The following CRIM1 variants were observed in gnomAD, a reference collection of about 807,000 sequenced individuals.
The protein encoded by CRIM1 is cysteine-rich motor neuron 1 protein.
A neutral mutation model predicts 116.4 loss-of-function variants in CRIM1; 32 were observed. The ratio of observed to expected loss-of-function variants is 0.27; its 90% CI spans 0.21 to 0.37. CRIM1 has a LOEUF of 0.37. CRIM1 is among the 10% of genes least tolerant of loss of function. The pLI is 1.00. For synonymous variants in CRIM1, 590 were observed against 509.2 expected, an observed-to-expected ratio of 1.16 and a Z score of -2.13; for missense variants, 1,331 against 1,354.8, an observed-to-expected ratio of 0.98 and a Z score of 0.28.
intron 2 of CRIM1, among the ~76,000 whole-genome samples, chr2:36,410,573 C>G (rs757901557): frequency 9.9e-5 from 15 of 151,524 alleles, no homozygotes; most frequent in Middle Eastern, 3.4e-3. Context: ...AAATGTGTGC[C>G]CATGTTCTGT....
intron 2 of CRIM1, among the ~76,000 whole-genome samples, chr2:36,432,075 A>T (rs1466958086): frequency 6.6e-6 from 1 of 152,180 alleles, no homozygotes; most frequent in Non-Finnish European, 1.5e-5. Flanking sequence ...GAGTCTTCTT[A>T]AAATGTTGCT....
chr2:36,477,786 A>AT (rs1310223165), intron 6 of CRIM1, among the ~76,000 whole-genome samples: 1 of 152,246 alleles, frequency 6.6e-6, no homozygotes, highest in Non-Finnish European at 1.5e-5. Flanking sequence ...GTTGCTCTGA[A>AT]TATCACTCCC....
At chr2:36,540,190 G>A (rs1006602052) in intron 14 of CRIM1, among the ~76,000 whole-genome samples, 3 of 152,174 alleles carry the variant, frequency 2.0e-5, no homozygotes, top group African/African-American at 4.8e-5. Flanking sequence ...CGTAAGATGC[G>A]ATGTGGGAAC....
chr2:36,364,425 A>T (rs560394454), intron 1 of CRIM1, among the ~76,000 whole-genome samples: 11 of 152,350 alleles, frequency 7.2e-5, no homozygotes. Context: ...TAAACTGGAA[A>T]AGCAGACAAT....
intron 13 of CRIM1, among the ~76,000 whole-genome samples, chr2:36,532,918 C>G (rs552229331): frequency 8.9e-4 from 136 of 152,270 alleles, no homozygotes; most frequent in African/African-American, 3.2e-3. Context: ...TATTAGGTAT[C>G]AAAGAACAAA....
rs201644194 is a variant in CRIM1 at position 36,524,435 on chromosome 2, C to CT, written c.2428+2132dup. ...ATATCCCCATAGTTATATATCAAAA[C>CT]TTTTTTTTTTAACTTTTTAAGTTCA... On this transcript the variant is annotated intron_variant, in intron 13 of 16. Coordinates refer to ENST00000280527, the MANE Select transcript of CRIM1 (RefSeq NM_016441.3). Among the ~76,000 whole-genome samples the CT allele has an allele frequency of 2.0e-3, 304 of 149,784 alleles. 6 individuals carry two copies. In the East Asian group the frequency reaches 0.032, roughly 16 times the overall value.
chr2:36,508,749 G>A (rs1018290049), intron 8 of CRIM1, among the ~76,000 whole-genome samples: 2 of 151,606 alleles, frequency 1.3e-5, no homozygotes, highest in African/African-American at 4.9e-5. Flanking sequence ...CTTTTCTCTC[G>A]TAAGCCCTAT....
At chr2:36,486,868 A>G (rs1486133298) in intron 7 of CRIM1, among the ~76,000 whole-genome samples, 1 of 152,190 alleles carries the variant, frequency 6.6e-6, no homozygotes, top group Non-Finnish European at 1.5e-5. Flanking sequence ...TTAAATAAAC[A>G]CAATCTCTTT....
chr2:36,427,004 C>G (rs888818955), intron 2 of CRIM1, among the ~76,000 whole-genome samples: 2 of 152,040 alleles, frequency 1.3e-5, no homozygotes, highest in Non-Finnish European at 2.9e-5. Context: ...AATTCAAGAC[C>G]AGCCTGACTA....
At chr2:36,397,547 G>A (rs1672116305) in intron 2 of CRIM1, among the ~76,000 whole-genome samples, 1 of 151,844 alleles carries the variant, frequency 6.6e-6, no homozygotes, top group Admixed American at 6.6e-5. Context: ...TCTTCTTGAG[G>A]GAAAAAAGTA....
chr2:36,464,602 C>G lies in CRIM1; in HGVS notation c.938C>G (p.Ser313Cys). Residue 313 changes from serine to cysteine, a missense_variant, in exon 5 of 17, where the codon TCT becomes TGT. By Grantham distance (112) the Ser-to-Cys change is moderately radical (BLOSUM62 -1). This residue lies in a region of CRIM1 where 690 missense variants were observed against 676.0 expected (regional missense o/e 1.02). Transcript: ENST00000280527. ...CEVGSTPRIVSRGDGTPGKCC... is the reference protein window; with the variant it reads ...CEVGSTPRIVCRGDGTPGKCC... Reference sequence around the variant, plus strand: ...GTGGGATCCACTCCCCGCATAGTCTCTCGTGGCGATGGGACACCTGGAAAG... The same window carrying G: ...GTGGGATCCACTCCCCGCATAGTCTGTCGTGGCGATGGGACACCTGGAAAG... The G allele has an allele frequency of 6.2e-7, 1 of 1,614,158 alleles. No homozygotes were observed. The highest frequency in any genetic ancestry group is 8.5e-7 in the Non-Finnish European group (1 of 1,180,022).
At chr2:36,427,716 T>A (rs1402299186) in intron 2 of CRIM1, among the ~76,000 whole-genome samples, 1 of 152,220 alleles carries the variant, frequency 6.6e-6, no homozygotes, top group African/African-American at 2.4e-5. Context: ...GAAGTCCCTA[T>A]GGTATGGAGG....
At chr2:36,382,583 G>A (rs1158025382) in intron 1 of CRIM1, among the ~76,000 whole-genome samples, 1 of 152,186 alleles carries the variant, frequency 6.6e-6, no homozygotes, top group Non-Finnish European at 1.5e-5. Flanking sequence ...CGTGGTTATG[G>A]CACTAATTTA....
chr2:36,448,728 T>C (rs1676450888), intron 4 of CRIM1, among the ~76,000 whole-genome samples: 1 of 152,272 alleles, frequency 6.6e-6, no homozygotes, highest in African/African-American at 2.4e-5. Context: ...GTTATCAATT[T>C]GTTTTATAAA....
intron 2 of CRIM1, among the ~76,000 whole-genome samples, chr2:36,408,026 C>G (rs1253785228): frequency 2.6e-5 from 4 of 152,142 alleles, no homozygotes; most frequent in African/African-American, 2.4e-5. Flanking sequence ...CTTTCCATAC[C>G]TAATCCCAGG....
intron 8 of CRIM1, among the ~76,000 whole-genome samples, chr2:36,507,061 TG>T (rs1681483700): frequency 6.6e-6 from 1 of 152,154 alleles, no homozygotes; most frequent in Admixed American, 6.5e-5. Context: ...GGTCTCACTA[TG>T]TTGCACAGGC....
chr2:36,359,063 G>A (rs1210511259), intron 1 of CRIM1, among the ~76,000 whole-genome samples: 2 of 152,192 alleles, frequency 1.3e-5, no homozygotes, highest in Non-Finnish European at 2.9e-5. Flanking sequence ...GAGTTTACAA[G>A]AAATTTCGGA....
At chr2:36,503,221 G>A (rs537174546) in intron 8 of CRIM1, among the ~76,000 whole-genome samples, 6 of 152,308 alleles carry the variant, frequency 3.9e-5, no homozygotes, top group Non-Finnish European at 8.8e-5. Context: ...CAGCTTTTGT[G>A]TTGCACAGAA....
At chr2:36,477,992 G>C (rs1300592280) in intron 6 of CRIM1, among the ~76,000 whole-genome samples, 2 of 152,156 alleles carry the variant, frequency 1.3e-5, no homozygotes, top group East Asian at 3.9e-4. Context: ...CCAGGCCCCA[G>C]ATCTTCAATC....
Sources: gnomAD v4.1 joint callset for allele counts (sites outside exome capture counted in the v4.1 genomes callset) on GRCh38, gnomAD v4.1.1 for gene constraint, gnomAD v4.1.1 regional missense constraint, MANE v1.5 for transcripts, NCBI Gene and HGNC (gene_info 2026-07-23, HGNC 2026-07-21) for gene names.